Variants in MACROD2 observed in about 807,000 individuals in gnomAD.
MACROD2 encodes mono-ADP ribosylhydrolase 2.
In MACROD2, 36 loss-of-function variants were observed where a neutral mutation model predicts 70.4. The observed-to-expected ratio is 0.51, with a 90% CI of 0.39 to 0.68. MACROD2 has a LOEUF of 0.68. MACROD2 is among the 30% of genes least tolerant of loss of function. The pLI is 0.00. For synonymous variants in MACROD2, 172 were observed against 178.8 expected (o/e 0.96, Z 0.30); for missense variants, 496 against 538.4 (o/e 0.92, Z 0.78).
chr20:14,668,690 G>A (rs758690226), intron 4 of MACROD2, among the ~76,000 whole-genome samples: 17 of 152,110 alleles, frequency 1.1e-4, no homozygotes, highest in Non-Finnish European at 2.4e-4. Flanking sequence ...CAAATCACAT[G>A]TGACACTGTT....
At position 14,230,682 on chromosome 20, in the gene MACROD2, T is replaced by C. The variant is rs1255654923; in HGVS notation, c.271+144954T>C. Among the ~76,000 whole-genome samples, 48 of 115,112 alleles carry C rather than the reference T, an allele frequency of 4.2e-4. 8 individuals are homozygous for C. The highest frequency in any genetic ancestry group is 3.2e-3 in the South Asian group (10 of 3,152). 75.5% of individuals were successfully genotyped at this position (115,112 alleles called of 152,430 possible). ...CACAGGCTGGGCCTATATATATATATATATATATATATATATATGGGCCCA... is the reference window on the plus strand; with the variant it reads ...CACAGGCTGGGCCTATATATATATACATATATATATATATATATGGGCCCA... On this transcript the variant is annotated intron_variant, in intron 3 of 17. Coordinates refer to ENST00000684519, the MANE Select transcript of MACROD2 (RefSeq NM_001351661.2).
intron 5 of MACROD2, among the ~76,000 whole-genome samples, chr20:15,148,404 G>C (rs376984439): frequency 7.2e-5 from 11 of 152,208 alleles, no homozygotes; most frequent in African/African-American, 2.7e-4. Flanking sequence ...TAATTAGAGA[G>C]TGCTTAAGGA....
At chr20:14,127,765 G>A in intron 3 of MACROD2, 1 of 440,172 alleles carries the variant, frequency 2.3e-6, no homozygotes, top group African/African-American at 2.0e-5. Flanking sequence ...ATAAAAGGAG[G>A]AGCAGGAGAA....
chr20:15,369,490 A>T (rs1192215648), intron 6 of MACROD2, among the ~76,000 whole-genome samples: 3 of 152,140 alleles, frequency 2.0e-5, no homozygotes, highest in Admixed American at 2.0e-4. Flanking sequence ...GAAAAATGTT[A>T]TGTTTTATCT....
chr20:15,566,700 T>G (rs951225256), intron 8 of MACROD2, among the ~76,000 whole-genome samples: 1 of 152,220 alleles, frequency 6.6e-6, no homozygotes, highest in East Asian at 1.9e-4. Context: ...ATTTCCATCT[T>G]ATTGCTTAGG....
At chr20:14,588,069 A>G (rs1012557446) in intron 4 of MACROD2, among the ~76,000 whole-genome samples, 1 of 152,100 alleles carries the variant, frequency 6.6e-6, no homozygotes, top group African/African-American at 2.4e-5. Flanking sequence ...AAAGGAATTA[A>G]GAAGATTTTT....
intron 4 of MACROD2, among the ~76,000 whole-genome samples, chr20:14,644,858 G>C (rs1261393190): frequency 1.3e-5 from 2 of 152,020 alleles, no homozygotes; most frequent in Non-Finnish European, 2.9e-5. Context: ...GTAACCAAAA[G>C]CAAACAACAA....
intron 5 of MACROD2, among the ~76,000 whole-genome samples, chr20:15,130,787 G>T (rs1332588805): frequency 1.3e-5 from 2 of 152,172 alleles, no homozygotes; most frequent in East Asian, 3.9e-4. Flanking sequence ...CCTTATCTCT[G>T]TTATATCTGA....
At chr20:15,393,915 T>C (rs2045826675) in intron 6 of MACROD2, among the ~76,000 whole-genome samples, 1 of 152,182 alleles carries the variant, frequency 6.6e-6, no homozygotes. Context: ...CATGCACATA[T>C]GCATGTACCC....
chr20:15,723,670 GTTTA>G (rs912959332), intron 8 of MACROD2, among the ~76,000 whole-genome samples: 2 of 152,120 alleles, frequency 1.3e-5, no homozygotes, highest in Non-Finnish European at 1.5e-5. Flanking sequence ...ATGTACCACA[GTTTA>G]TTTATCTATT....
intron 3 of MACROD2, among the ~76,000 whole-genome samples, chr20:14,439,735 A>T (rs1485343941): frequency 1.3e-5 from 2 of 152,222 alleles, no homozygotes; most frequent in Non-Finnish European, 2.9e-5. Context: ...GAGTTAAATC[A>T]CTTAAAACAC....
chr20:15,211,325 G>A lies in MACROD2; in HGVS notation c.419-18615G>A, dbSNP rs763417467. Among the ~76,000 whole-genome samples, 15 of 152,156 alleles carry A rather than the reference G, an allele frequency of 9.9e-5. No homozygotes were observed. In the East Asian group the frequency reaches 2.9e-3, roughly 29 times the overall value. ...TATTCCATTAGATGGATATACATTT[G>A]GTTATTCATTCATCAGTTGATGGAC... On this transcript the variant is annotated intron_variant, in intron 5 of 17. Coordinates refer to ENST00000684519, the MANE Select transcript of MACROD2 (RefSeq NM_001351661.2).
At chr20:14,056,326 A>G (rs1297837770) in intron 2 of MACROD2, among the ~76,000 whole-genome samples, 2 of 151,792 alleles carry the variant, frequency 1.3e-5, no homozygotes, top group African/African-American at 2.4e-5. Flanking sequence ...TTGGAGGTAT[A>G]TATGTATTTT....
chr20:15,951,339 AC>A (rs2065901573), intron 12 of MACROD2, among the ~76,000 whole-genome samples: 1 of 151,562 alleles, frequency 6.6e-6, no homozygotes, highest in Non-Finnish European at 1.5e-5. Flanking sequence ...ACACACACAC[AC>A]ACACACACAC....
At chr20:14,259,458 A>G (rs2082084716) in intron 3 of MACROD2, among the ~76,000 whole-genome samples, 3 of 152,176 alleles carry the variant, frequency 2.0e-5, no homozygotes, top group African/African-American at 7.2e-5. Flanking sequence ...TCTGTAGCTC[A>G]TACTTACCCT....
chr20:14,327,144 A>T, intron 3 of MACROD2: 1 of 1,613,808 alleles, frequency 6.2e-7, no homozygotes, highest in East Asian at 2.2e-5. Context: ...AAAGTGAATC[A>T]TAAGTGATAG....
chr20:14,383,348 G>C (rs949053412), intron 3 of MACROD2, among the ~76,000 whole-genome samples: 1 of 151,742 alleles, frequency 6.6e-6, no homozygotes, highest in African/African-American at 2.4e-5. Flanking sequence ...GTGACGATAG[G>C]AATAAATAGT....
At chr20:14,294,020 A>G (rs2122461047) in intron 3 of MACROD2, among the ~76,000 whole-genome samples, 1 of 151,976 alleles carries the variant, frequency 6.6e-6, no homozygotes, top group Non-Finnish European at 1.5e-5. Context: ...AAATCGGGAC[A>G]CATCACTAGA....
chr20:15,143,607 T>C (rs2076208391), intron 5 of MACROD2, among the ~76,000 whole-genome samples: 1 of 152,150 alleles, frequency 6.6e-6, no homozygotes, highest in Admixed American at 6.5e-5. Flanking sequence ...TAGGCATTTT[T>C]TTTTAATCTT....
Sources: allele counts gnomAD v4.1 joint callset (sites outside exome capture counted in the v4.1 genomes callset), GRCh38; gene constraint gnomAD v4.1.1; transcripts MANE v1.5; gene names NCBI Gene and HGNC (gene_info 2026-07-23, HGNC 2026-07-21).